PAX3: variants seen among roughly 807,000 people sequenced by gnomAD.
PAX3 encodes the protein paired box 3, also known as paired box protein Pax-3.
Under a neutral mutation model 51.6 loss-of-function variants are expected in PAX3, and 14 were observed. The ratio of observed to expected loss-of-function variants is 0.27; its 90% CI spans 0.18 to 0.42. The LOEUF is 0.42. Ranked by LOEUF, PAX3 falls within the 10% of genes least tolerant of loss-of-function variation. PAX3 has a pLI of 1.00. For synonymous variants in PAX3, 280 were observed against 253.4 expected, an observed-to-expected ratio of 1.11 and a Z score of -1.00; for missense variants, 540 against 642.8, an observed-to-expected ratio of 0.84 and a Z score of 1.73.
intron 4 of PAX3, among the ~76,000 whole-genome samples, chr2:222,260,838 C>T (rs1000511641): frequency 2.6e-5 from 4 of 151,920 alleles, no homozygotes; most frequent in Non-Finnish European, 4.4e-5. Context: ...TGATCTGCCC[C>T]GGCCTCCCAA....
At chr2:222,269,459 T>C (rs1280053856) in intron 4 of PAX3, among the ~76,000 whole-genome samples, 1 of 152,178 alleles carries the variant, frequency 6.6e-6, no homozygotes, top group African/African-American at 2.4e-5. Flanking sequence ...GATAAGCACG[T>C]TTTTATGCCT....
chr2:222,290,251 C>T (rs377331051), intron 4 of PAX3, among the ~76,000 whole-genome samples: 1 of 152,176 alleles, frequency 6.6e-6, no homozygotes, highest in African/African-American at 2.4e-5. Flanking sequence ...CTACCTCCCC[C>T]CCAAAAAGCT....
At chr2:222,276,839 C>T (rs1438991228) in intron 4 of PAX3, among the ~76,000 whole-genome samples, 3 of 152,220 alleles carry the variant, frequency 2.0e-5, no homozygotes, top group African/African-American at 7.2e-5. Context: ...AAGATCCCCC[C>T]TAAGGGGCTC....
chr2:222,272,824 G>T (rs1457475155), intron 4 of PAX3, among the ~76,000 whole-genome samples: 2 of 152,210 alleles, frequency 1.3e-5, no homozygotes, highest in African/African-American at 4.8e-5. Flanking sequence ...AGGAAGAATA[G>T]AAGCAGATTG....
At chr2:222,277,949 A>C (rs1477879407) in intron 4 of PAX3, among the ~76,000 whole-genome samples, 1 of 149,430 alleles carries the variant, frequency 6.7e-6, no homozygotes, top group Non-Finnish European at 1.5e-5. Context: ...AAAAAAAAAA[A>C]ATTGAGTTTT....
chr2:222,247,172 C>T (rs1328836391), intron 4 of PAX3, among the ~76,000 whole-genome samples: 2 of 152,248 alleles, frequency 1.3e-5, no homozygotes, highest in East Asian at 3.9e-4. Context: ...TATTCCTATT[C>T]AGGCCTCAAT....
intron 1 of PAX3, chr2:222,298,221 C>G: frequency 4.7e-6 from 2 of 428,700 alleles, no homozygotes; most frequent in Non-Finnish European, 8.4e-6. Flanking sequence ...GGAGAAGTTG[C>G]TTCTGCCGCT....
In PAX3 at chr2:222,221,218, G is replaced by T. The variant is rs1045962288; in HGVS notation, c.958+4C>A. The T allele has an allele frequency of 1.2e-6, 2 of 1,613,622 alleles. No individual in the cohort carries two copies. Among genetic ancestry groups the T allele is most frequent in the Non-Finnish European group, 1.7e-6 (2 of 1,179,744 alleles). On this transcript the variant is annotated splice_donor_region_variant and intron_variant, in intron 6 of 8. Transcript: ENST00000392070. ...TTCTAATCTCCTTGACTCTTCCTCG[G>T]TACCTTGTGGAATAGATGTGGGCTG... is the stretch of plus-strand genomic sequence containing the variant.
chr2:222,202,525 A>G (rs1003711113), intron 7 of PAX3, among the ~76,000 whole-genome samples: 35 of 152,318 alleles, frequency 2.3e-4, no homozygotes, highest in African/African-American at 7.7e-4. Context: ...GGGGGAAAAA[A>G]GGATGAAAAG....
intron 8 of PAX3, 88 bp from the exon 9 acceptor site, chr2:222,201,530 T>C: frequency 6.6e-7 from 1 of 1,521,442 alleles, no homozygotes; most frequent in Non-Finnish European, 9.1e-7. Context: ...CAATGTCATA[T>C]TTAATACCGT....
At position 222,259,441 on chromosome 2, in the gene PAX3, T is replaced by C. The variant is rs1693763372; in HGVS notation, c.587-27158A>G. 1.3e-5 allele frequency among the ~76,000 whole-genome samples: 2 copies of C among 152,214 alleles called. 1 individual carries two copies. The highest frequency in any genetic ancestry group is 4.8e-5 in the African/African-American group (2 of 41,448). On this transcript the variant is annotated intron_variant, in intron 4 of 8. Coordinates refer to ENST00000392070, the MANE Select transcript of PAX3 (RefSeq NM_181458.4). ...TAAGCACTTTACAGGTAATACATGATATATATCAAATATAAAGACTAGGCA... is the reference window on the plus strand; with the variant it reads ...TAAGCACTTTACAGGTAATACATGACATATATCAAATATAAAGACTAGGCA...
chr2:222,235,707 G>T (rs2106101556), intron 4 of PAX3, among the ~76,000 whole-genome samples: 1 of 152,166 alleles, frequency 6.6e-6, no homozygotes, highest in South Asian at 2.1e-4. Context: ...GAGGAGAAGG[G>T]CAAAAGCTCC....
intron 4 of PAX3, among the ~76,000 whole-genome samples, chr2:222,239,437 T>A (rs1213851939): frequency 6.6e-6 from 1 of 152,136 alleles, no homozygotes. Context: ...TCTTCCACAT[T>A]AATTCACAAG....
intron 7 of PAX3, among the ~76,000 whole-genome samples, chr2:222,207,890 T>A (rs908317108): frequency 7.2e-5 from 11 of 152,034 alleles, no homozygotes; most frequent in Middle Eastern, 6.4e-3. Flanking sequence ...GTTGTTTTTT[T>A]AAAAAACCAT....
intron 4 of PAX3, among the ~76,000 whole-genome samples, chr2:222,243,211 G>A (rs1693086899): frequency 6.6e-6 from 1 of 152,150 alleles, no homozygotes; most frequent in African/African-American, 2.4e-5. Flanking sequence ...TGTGCCAAAA[G>A]CCTATGCAAA....
intron 4 of PAX3, among the ~76,000 whole-genome samples, chr2:222,269,242 A>T (rs1694163828): frequency 6.6e-6 from 1 of 151,774 alleles, no homozygotes; most frequent in South Asian, 2.1e-4. Flanking sequence ...ATTTTCTTTG[A>T]CTCACTTCAA....
intron 5 of PAX3, among the ~76,000 whole-genome samples, chr2:222,225,853 T>A (rs1175216541): frequency 6.6e-6 from 1 of 152,234 alleles, no homozygotes; most frequent in Non-Finnish European, 1.5e-5. Flanking sequence ...AAGCTCTGTT[T>A]TGCTTCCTTC....
At chr2:222,256,703 C>G (rs906527050) in intron 4 of PAX3, among the ~76,000 whole-genome samples, 2 of 152,182 alleles carry the variant, frequency 1.3e-5, no homozygotes, top group Non-Finnish European at 2.9e-5. Flanking sequence ...TCCTAAACAT[C>G]ATAAAGTGAA....
rs562291448 is a variant in PAX3 at position 222,280,224 on chromosome 2, A to G, written c.586+13943T>C. Among the ~76,000 whole-genome samples, 15 of 149,816 alleles carry G rather than the reference A, an allele frequency of 1.0e-4. No homozygotes were observed. The South Asian group carries it at 1.5e-3, about 15-fold the overall frequency. ...GAAACTCTGTCAGGAAGAAAGAAAG[A>G]AAGAGAGAGAGGGAGAAAGAAAGAA... On this transcript the variant is annotated intron_variant, in intron 4 of 8. Transcript: ENST00000392070.
Sources: gnomAD v4.1 joint callset for allele counts (sites outside exome capture counted in the v4.1 genomes callset) on GRCh38, gnomAD v4.1.1 for gene constraint, MANE v1.5 for transcripts, NCBI Gene and HGNC (gene_info 2026-07-23, HGNC 2026-07-21) for gene names.